Variants in SNX8 observed in about 807,000 individuals in gnomAD.
SNX8 encodes sorting nexin-8.
SNX8 carries 25 observed loss-of-function variants against 51.6 expected under a neutral mutation model. The ratio of observed to expected loss-of-function variants is 0.48; its 90% CI spans 0.35 to 0.68. The LOEUF is 0.68. SNX8 is among the 30% of genes least tolerant of loss of function. The probability of loss-of-function intolerance (pLI) is 0.00; values close to 1 mark genes in which losing one functional copy is unlikely to be tolerated. For missense variants in SNX8, 695 were observed against 624.0 expected (o/e 1.11, Z -1.21); for synonymous variants, 324 against 277.0 (o/e 1.17, Z -1.68).
At chr7:2,325,787 G>A (rs368870824) in intron 1 of SNX8, among the ~76,000 whole-genome samples, 4 of 151,906 alleles carry the variant, frequency 2.6e-5, no homozygotes, top group South Asian at 2.1e-4. Context: ...AGCCAAGATC[G>A]TGCCACTGCA....
At position 2,263,446 on chromosome 7, in the gene SNX8, T is replaced by G. The variant is rs911237554; in HGVS notation, c.783-84A>C. The G allele has an allele frequency of 1.0e-5, 14 of 1,377,590 alleles. No individual in the cohort carries two copies. In the Admixed American group the frequency reaches 1.8e-4, roughly 17 times the overall value. 85.3% of individuals were successfully genotyped at this position (1,377,590 alleles called of 1,614,324 possible). On this transcript the variant is annotated intron_variant, in intron 6 of 10. Coordinates refer to ENST00000222990, the MANE Select transcript of SNX8 (RefSeq NM_013321.4). The stretch of plus-strand genomic sequence containing the variant: ...CGAGTCTGGCATCCCCCCCGACAGA[T>G]GTCCTCCACGGCAACCTGCGTGACC...
intron 1 of SNX8, 61 bp from the exon 2 acceptor site, chr7:2,278,366 G>A: frequency 9.2e-7 from 1 of 1,086,412 alleles, no homozygotes; most frequent in Non-Finnish European, 1.3e-6. Flanking sequence ...AGCCTTGGCT[G>A]GGCACAGTGG....
At chr7:2,294,676 G>A (rs987449204) in intron 1 of SNX8, among the ~76,000 whole-genome samples, 1 of 152,132 alleles carries the variant, frequency 6.6e-6, no homozygotes, top group Non-Finnish European at 1.5e-5. Flanking sequence ...GCAGGAGCTG[G>A]AGCCGCAGGT....
At chr7:2,305,665 G>C (rs547485347) in intron 1 of SNX8, among the ~76,000 whole-genome samples, 2 of 151,882 alleles carry the variant, frequency 1.3e-5, no homozygotes, top group African/African-American at 2.4e-5. Context: ...TGCCCGGCCT[G>C]TATTGTATTA....
chr7:2,318,026 A>G (rs1430789634), upstream of SNX8, among the ~76,000 whole-genome samples: 1 of 152,076 alleles, frequency 6.6e-6, no homozygotes, highest in Non-Finnish European at 1.5e-5. Flanking sequence ...CCACGCACAC[A>G]TATATACTCT....
At chr7:2,302,118 C>T (rs931164309) in intron 1 of SNX8, among the ~76,000 whole-genome samples, 3 of 150,952 alleles carry the variant, frequency 2.0e-5, no homozygotes, top group Non-Finnish European at 4.4e-5. Flanking sequence ...CGGTCTCCCT[C>T]TCCCTCTCTT....
intron 1 of SNX8, among the ~76,000 whole-genome samples, chr7:2,305,036 C>T (rs1202531305): frequency 6.6e-6 from 1 of 152,186 alleles, no homozygotes; most frequent in Admixed American, 6.6e-5. Flanking sequence ...CCTTGCTGTT[C>T]CTGCAGACGC....
chr7:2,291,554 T>C (rs1796151259), intron 1 of SNX8, among the ~76,000 whole-genome samples: 1 of 150,200 alleles, frequency 6.7e-6, no homozygotes, highest in African/African-American at 2.5e-5. Context: ...GCCGAGATCA[T>C]GGCACTGCAC....
rs1281501611 is a variant in SNX8 at position 2,264,309 on chromosome 7, C to T, written c.771G>A (p.Gly257=). 6.2e-7 allele frequency: 1 copy of T among 1,611,278 alleles called. No individual in the cohort carries two copies. Among genetic ancestry groups the T allele is most frequent in the Non-Finnish European group, 8.5e-7 (1 of 1,178,746 alleles). Residue 257 remains glycine, a synonymous_variant, in exon 6 of 11, where the codon GGG becomes GGA. Coordinates refer to ENST00000222990, the MANE Select transcript of SNX8 (RefSeq NM_013321.4). The part of the protein sequence containing the change: ...IDNAADLLIF[G]KELSAIGSDT... ...GAAAGGTCACCTACCTTAGCTCCTT[C>T]CCGAATATGAGAAGATCTGCCGCAT...
At chr7:2,266,522 T>C (rs1795468151) in intron 5 of SNX8, among the ~76,000 whole-genome samples, 1 of 152,244 alleles carries the variant, frequency 6.6e-6, no homozygotes, top group Non-Finnish European at 1.5e-5. Flanking sequence ...AATTTTTGTA[T>C]TTTTAGTAGA....
upstream of SNX8, among the ~76,000 whole-genome samples, chr7:2,319,193 G>C (rs983384772): frequency 2.0e-5 from 3 of 151,602 alleles, no homozygotes; most frequent in African/African-American, 7.3e-5. Context: ...ACAAAACTTA[G>C]CCGGGTGTTG....
chr7:2,340,034 A>G (rs1285083429), intron 1 of SNX8, among the ~76,000 whole-genome samples: 1 of 151,826 alleles, frequency 6.6e-6, no homozygotes, highest in African/African-American at 2.4e-5. Flanking sequence ...ATTGAAACAT[A>G]TATCTACATA....
chr7:2,305,758 C>G (rs1796530720), intron 1 of SNX8, among the ~76,000 whole-genome samples: 1 of 152,062 alleles, frequency 6.6e-6, no homozygotes, highest in Non-Finnish European at 1.5e-5. Context: ...ATTTACCAAA[C>G]ACGTGTAACC....
Position 2,314,334 on chromosome 7 carries a change from C to T in SNX8, c.88G>A (p.Ala30Thr). 8.2e-7 allele frequency: 1 copy of T among 1,223,274 alleles called. No individual in the cohort carries two copies. Among genetic ancestry groups the T allele is most frequent in the East Asian group, 3.2e-5 (1 of 30,976 alleles). 75.8% of individuals were successfully genotyped at this position (1,223,274 alleles called of 1,614,324 possible). A position where few individuals can be genotyped will look rare whatever the true frequency, so the allele number is the denominator to read the frequency against. ...AEADEEADPP[A>T]SDLPTPQAIE... ...CCGCCGCCCCACGCCCTACCTGACG[C>T]CGGGGGATCCGCCTCCTCGTCAGCC... Residue 30 changes from alanine (A) to threonine (T), a missense_variant, in exon 1 of 11, where the codon GCG (alanine) becomes ACG (threonine). Physicochemically the swap from Ala to Thr is moderately conservative, Grantham distance 58. Transcript: ENST00000222990.
chr7:2,346,640 G>C (rs1779033126), intron 1 of SNX8, among the ~76,000 whole-genome samples: 1 of 150,816 alleles, frequency 6.6e-6, no homozygotes. Flanking sequence ...CAGCTACTTG[G>C]GAGGCTGAGG....
chr7:2,257,373 T>C lies in SNX8; in HGVS notation c.1126A>G (p.Ile376Val). The change falls in exon 9 of 11, where the codon ATT becomes GTT. Residue 376 changes from isoleucine (I) to valine (V), a missense_variant. Coordinates refer to ENST00000222990, the MANE Select transcript of SNX8 (RefSeq NM_013321.4). ...PESVEQLESR[I>V]VEQENAIQTM... is the part of the protein sequence containing the mutation. ...GCCGCCCCGCCACCCACCTCCACAA[T>C]GCGGGACTCCAGCTGCTCCACGGAC... 1 of 1,607,448 alleles carries C rather than the reference T, an allele frequency of 6.2e-7. No individual in the cohort carries two copies. Among genetic ancestry groups the C allele is most frequent in the Non-Finnish European group, 8.5e-7 (1 of 1,179,456 alleles).
At chr7:2,338,908 C>T (rs1201440863) in intron 1 of SNX8, among the ~76,000 whole-genome samples, 1 of 151,980 alleles carries the variant, frequency 6.6e-6, no homozygotes, top group East Asian at 1.9e-4. Context: ...AAGACCTTGC[C>T]TCTATTTCTT....
intron 1 of SNX8, among the ~76,000 whole-genome samples, chr7:2,352,798 T>C (rs1388793400): frequency 1.3e-5 from 2 of 151,670 alleles, no homozygotes; most frequent in Non-Finnish European, 2.9e-5. Flanking sequence ...ATCGTGCCAC[T>C]GCACTCCAGC....
At chr7:2,350,788 A>C (rs1238782678) in intron 1 of SNX8, among the ~76,000 whole-genome samples, 1 of 151,858 alleles carries the variant, frequency 6.6e-6, no homozygotes, top group Non-Finnish European at 1.5e-5. Flanking sequence ...CTGGGATTAC[A>C]GGCGCCTGCG....
Sources: gnomAD v4.1 joint callset for allele counts (sites outside exome capture counted in the v4.1 genomes callset) on GRCh38, gnomAD v4.1.1 for gene constraint, MANE v1.5 for transcripts, NCBI Gene and HGNC (gene_info 2026-07-23, HGNC 2026-07-21) for gene names.